Variants in FAM169A observed in about 807,000 individuals in gnomAD.
FAM169A encodes the protein family with sequence similarity 169 member A.
In FAM169A, 24 loss-of-function variants were observed where a neutral mutation model predicts 75.7. That is an observed-to-expected ratio of 0.32 (90% CI 0.23 to 0.45). The LOEUF (loss-of-function observed/expected upper bound fraction) is 0.45, where lower values mean the gene tolerates loss of function less well. Ranked by LOEUF, FAM169A falls within the 20% of genes least tolerant of loss-of-function variation. FAM169A has a pLI of 1.00. For missense variants in FAM169A, 673 were observed against 784.0 expected, an observed-to-expected ratio of 0.86 and a Z score of 1.69; for synonymous variants, 271 against 271.0, an observed-to-expected ratio of 1.00 and a Z score of 0.00.
At chr5:74,798,287 A>C (rs1746382870) in intron 10 of FAM169A, among the ~76,000 whole-genome samples, 2 of 152,232 alleles carry the variant, frequency 1.3e-5, no homozygotes, top group South Asian at 2.1e-4. Flanking sequence ...CGTATGTTTC[A>C]GCAAACAGTC....
chr5:74,849,577 T>TCCTAACC (rs1463271932), intron 1 of FAM169A, among the ~76,000 whole-genome samples: 1 of 151,982 alleles, frequency 6.6e-6, no homozygotes, highest in Non-Finnish European at 1.5e-5. Context: ...CGAGAATAGG[T>TCCTAACC]TAGGTATCCA....
chr5:74,842,420 CAAAAAAAAAAAAAAAA>C (rs56653446), intron 1 of FAM169A, among the ~76,000 whole-genome samples: 25 of 22,472 alleles, frequency 1.1e-3, no homozygotes, highest in Middle Eastern at 0.038. Flanking sequence ...GACTCTATCA[CAAAAAAAAAAAAAAAA>C]AAAAAAAAAA....
intron 10 of FAM169A, 22 bp downstream of exon 10, chr5:74,800,858 A>G: frequency 7.5e-7 from 1 of 1,341,504 alleles, no homozygotes. Context: ...AAAAAATGAG[A>G]GTAAAATCAA....
Position 74,780,232 on chromosome 5 carries a change from A to G in FAM169A, c.*1228T>C, listed in dbSNP as rs369974976. 5.3e-5 allele frequency: 8 copies of G among 152,238 alleles called. No individual in the cohort carries two copies. Among genetic ancestry groups the G allele is most frequent in the African/African-American group, 1.9e-4 (8 of 41,458 alleles). The allele number at this position is 152,238 out of a possible 1,614,324, so 9.4% of individuals were successfully genotyped here. A position where few individuals can be genotyped will look rare whatever the true frequency, so the allele number is the denominator to read the frequency against. On this transcript the variant is annotated 3_prime_UTR_variant, in exon 13 of 13. Coordinates refer to ENST00000687041, the MANE Select transcript of FAM169A (RefSeq NM_001376049.1). ...AAATCAAAGGATGATTGAAGCCTCC[A>G]ATATGATTGAAGCCCTTGTAACCAC...
intron 5 of FAM169A, among the ~76,000 whole-genome samples, chr5:74,825,170 T>C (rs1019147240): frequency 6.6e-6 from 1 of 152,180 alleles, no homozygotes; most frequent in Non-Finnish European, 1.5e-5. Flanking sequence ...CCAGTAACTA[T>C]GTAAATCTTA....
intron 1 of FAM169A, among the ~76,000 whole-genome samples, chr5:74,847,850 T>C (rs147607555): frequency 0.011 from 1,717 of 152,322 alleles, 22 homozygotes; most frequent in African/African-American, 0.039. Context: ...TCAAAGATTT[T>C]TTTCATATAC....
At chr5:74,784,630 A>AAT in intron 11 of FAM169A, among the ~76,000 whole-genome samples, 1 of 150,158 alleles carries the variant, frequency 6.7e-6, no homozygotes, top group African/African-American at 2.4e-5. Context: ...AAAAAAAAAA[A>AAT]AAATAGGCTG....
At chr5:74,823,533 T>C (rs560202310) in intron 5 of FAM169A, among the ~76,000 whole-genome samples, 1 of 152,316 alleles carries the variant, frequency 6.6e-6, no homozygotes, top group African/African-American at 2.4e-5. Flanking sequence ...TCGACTATGA[T>C]GTTGTGGGTT....
intron 1 of FAM169A, among the ~76,000 whole-genome samples, chr5:74,848,244 A>T (rs540864579): frequency 6.6e-6 from 1 of 152,250 alleles, no homozygotes; most frequent in African/African-American, 2.4e-5. Context: ...ACATTTATTG[A>T]GAAATATCCC....
intron 6 of FAM169A, among the ~76,000 whole-genome samples, chr5:74,811,873 G>GT (rs1451669733): frequency 6.6e-6 from 1 of 152,222 alleles, no homozygotes; most frequent in African/African-American, 2.4e-5. Flanking sequence ...AATTCATACA[G>GT]TATGTATTTA....
chr5:74,793,422 TTGGAGACCATTATTC>T (rs1290200227), intron 11 of FAM169A, among the ~76,000 whole-genome samples: 4 of 151,400 alleles, frequency 2.6e-5, no homozygotes, highest in Non-Finnish European at 5.9e-5. Flanking sequence ...CTGCATGGAG[TTGGAGACCATTATTC>T]TAAGTGGAGT....
chr5:74,863,340 T>C (rs755451860), intron 1 of FAM169A, among the ~76,000 whole-genome samples: 26 of 152,206 alleles, frequency 1.7e-4, no homozygotes, highest in Non-Finnish European at 3.4e-4. Flanking sequence ...AATTTAGAAC[T>C]TAAATTTCAG....
intron 10 of FAM169A, among the ~76,000 whole-genome samples, chr5:74,800,325 T>C (rs1351539635): frequency 6.6e-6 from 1 of 152,076 alleles, no homozygotes; most frequent in Non-Finnish European, 1.5e-5. Context: ...TAGTTTATTA[T>C]GGAAAATTGT....
At chr5:74,784,522 A>C (rs186268450) in intron 11 of FAM169A, among the ~76,000 whole-genome samples, 3 of 148,578 alleles carry the variant, frequency 2.0e-5, no homozygotes, top group Admixed American at 2.0e-4. Flanking sequence ...AAAAAAAAAA[A>C]AAAAAAACAA....
At chr5:74,819,216 T>C (rs2112596480) in intron 5 of FAM169A, among the ~76,000 whole-genome samples, 1 of 146,214 alleles carries the variant, frequency 6.8e-6, no homozygotes, top group South Asian at 2.2e-4. Context: ...AAAACTCGTC[T>C]CAAAGAAAAA....
At chr5:74,784,186 A>G (rs1745551878) in intron 11 of FAM169A, among the ~76,000 whole-genome samples, 1 of 152,100 alleles carries the variant, frequency 6.6e-6, no homozygotes, top group Non-Finnish European at 1.5e-5. Context: ...TTCAAAAAAG[A>G]TAAAATGAAC....
chr5:74,847,472 T>C (rs1173758699), intron 1 of FAM169A, among the ~76,000 whole-genome samples: 4 of 152,148 alleles, frequency 2.6e-5, no homozygotes, highest in Admixed American at 1.3e-4. Context: ...TCTCAACTCA[T>C]TTTTTTAGAA....
At chr5:74,784,607 TAAAAAAAAAA>T (rs70976133) in intron 11 of FAM169A, among the ~76,000 whole-genome samples, 3 of 60,564 alleles carry the variant, frequency 5.0e-5, no homozygotes, top group Non-Finnish European at 9.1e-5. Flanking sequence ...CAACCCAGGC[TAAAAAAAAAA>T]AAAAAAAAAA....
Position 74,838,968 on chromosome 5 carries a change from C to A in FAM169A, c.315G>T (p.Lys105Asn), listed in dbSNP as rs375147808. ...KTSVPSREGL[K>N]QVSTLGERVV... is the part of the protein sequence containing the mutation. ...CAAAATTAGAGGATCTTGTTACCTG[C>A]TTAAGCCCCTCTCTTGAAGGAACAG... is the stretch of plus-strand genomic sequence containing the variant. The change falls in exon 4 of 13, where the codon AAG (lysine) becomes AAT (asparagine). Residue 105 changes from lysine to asparagine, a missense_variant. Around this residue, in one of 3 missense-constraint regions of FAM169A, gnomAD observed 107 missense variants for 180.8 expected, o/e 0.59. Transcript: ENST00000687041. 1 of 1,609,914 alleles carries A rather than the reference C, an allele frequency of 6.2e-7. No homozygotes were observed. Among genetic ancestry groups the A allele is most frequent in the African/African-American group, 1.3e-5 (1 of 74,836 alleles).
Sources: allele counts gnomAD v4.1 joint callset (sites outside exome capture counted in the v4.1 genomes callset), GRCh38; gene constraint gnomAD v4.1.1; regional missense constraint gnomAD v4.1.1; transcripts MANE v1.5; gene names NCBI Gene and HGNC (gene_info 2026-07-23, HGNC 2026-07-21).